SPINK5: variants seen among roughly 807,000 people sequenced by gnomAD.
SPINK5 encodes serine peptidase inhibitor Kazal type 5.
In SPINK5, 125 loss-of-function variants were observed where a neutral mutation model predicts 151.8. That is an observed-to-expected ratio of 0.82 (90% CI 0.71 to 0.96). The LOEUF (loss-of-function observed/expected upper bound fraction) is 0.96, where lower values mean the gene tolerates loss of function less well. Among genes scored for constraint, SPINK5 ranks in the 40% least tolerant of loss-of-function variants. SPINK5 has a pLI of 0.00. For missense variants in SPINK5, 1,194 were observed against 1,291.9 expected (o/e 0.92, Z 1.16); for synonymous variants, 374 against 395.3 (o/e 0.95, Z 0.64).
chr5:148,073,358 T>C (rs1414131461), intron 4 of SPINK5, among the ~76,000 whole-genome samples: 1 of 151,938 alleles, frequency 6.6e-6, no homozygotes, highest in African/African-American at 2.4e-5. Context: ...ATTATTTGCC[T>C]GGGCTCAACC....
rs556862745 is a variant in SPINK5 at position 148,110,555 on chromosome 5, G to A, written c.1693-1213G>A. The stretch of plus-strand genomic sequence containing the variant: ...ATTATTCATTGTATTATAACTTATA[G>A]TTGCCTCTATGTGTTTTCTTCAAAG... On this transcript the variant is annotated intron_variant, in intron 18 of 32. Transcript: ENST00000256084. Among the ~76,000 whole-genome samples the A allele has an allele frequency of 4.6e-5, 7 of 152,170 alleles. No homozygotes were observed. The South Asian group carries it at 1.5e-3, about 32-fold the overall frequency.
chr5:148,112,318 T>G (rs34975049), intron 19 of SPINK5, among the ~76,000 whole-genome samples: 23,260 of 152,168 alleles, frequency 0.15, 2,439 homozygotes, highest in East Asian at 0.32. Context: ...AAAAGAGATA[T>G]AGTCATAAAA....
chr5:148,094,255 C>A, intron 8 of SPINK5, 99 bp from the exon 9 acceptor site: 1 of 1,333,824 alleles, frequency 7.5e-7, no homozygotes, highest in South Asian at 1.2e-5. Flanking sequence ...TGATCATTCC[C>A]CTGCAATCCA....
intron 17 of SPINK5, among the ~76,000 whole-genome samples, chr5:148,107,693 T>C (rs1468975571): frequency 6.6e-6 from 1 of 152,178 alleles, no homozygotes; most frequent in Non-Finnish European, 1.5e-5. Context: ...GTAAAACCTT[T>C]AGGAAACAGG....
At chr5:148,073,396 A>C (rs1466214019) in intron 4 of SPINK5, among the ~76,000 whole-genome samples, 2 of 152,048 alleles carry the variant, frequency 1.3e-5, no homozygotes, top group Non-Finnish European at 2.9e-5. Flanking sequence ...AATAACAGAC[A>C]CCACAAAATT....
At position 148,123,879 on chromosome 5, in the gene SPINK5, T is replaced by C. The variant is rs371375041; in HGVS notation, c.2585T>C (p.Ile862Thr). 1 of 1,614,050 alleles carries C rather than the reference T, an allele frequency of 6.2e-7. No homozygotes were observed. The highest frequency in any genetic ancestry group is 8.5e-7 in the Non-Finnish European group (1 of 1,180,010). Residue 862 changes from isoleucine (I) to threonine (T), a missense_variant, in exon 27 of 33, where the codon ATC (isoleucine) becomes ACC (threonine). Ile to Thr is a moderately conservative substitution (Grantham distance 89, BLOSUM62 -1). Coordinates refer to ENST00000256084, the MANE Select transcript of SPINK5 (RefSeq NM_006846.4). ...FRSMQRNGKLICTRENNPVRG... is the reference protein window; with the variant it reads ...FRSMQRNGKLTCTRENNPVRG... Reference sequence around the variant, plus strand: ...AGCATGCAGAGAAATGGAAAGCTTATCTGCACCAGAGAAAATAACCCTGTT... The same window carrying C: ...AGCATGCAGAGAAATGGAAAGCTTACCTGCACCAGAGAAAATAACCCTGTT...
chr5:148,119,899 AGCAAGGTTACAT>A, intron 24 of SPINK5, 98 bp from the exon 25 acceptor site: 1 of 1,266,742 alleles, frequency 7.9e-7, no homozygotes, highest in East Asian at 2.4e-5. Context: ...TGCCTATCAC[AGCAAGGTTACAT>A]GGCTGCCTGA....
At position 148,111,849 on chromosome 5, in the gene SPINK5, G is replaced by A; in HGVS notation, c.1774G>A (p.Asp592Asn). ...AGAGAATGATCCTATTGAGGGTCTAGATGGGAAAATCCACGGCAACACCTG... is the reference window on the plus strand; with the variant it reads ...AGAGAATGATCCTATTGAGGGTCTAAATGGGAAAATCCACGGCAACACCTG... ...TRENDPIEGL[D>N]GKIHGNTCSM... The change falls in exon 19 of 33, where the codon GAT (aspartate) becomes AAT (asparagine). Residue 592 changes from aspartate (D) to asparagine (N), a missense_variant. Coordinates refer to ENST00000256084, the MANE Select transcript of SPINK5 (RefSeq NM_006846.4). 2 of 1,614,074 alleles carry A rather than the reference G, an allele frequency of 1.2e-6. No individual in the cohort carries two copies. Among genetic ancestry groups the A allele is most frequent in the East Asian group, 4.5e-5 (2 of 44,870 alleles).
rs1442930908 is a variant in SPINK5, at chr5:148,108,771, G to C, written c.1626G>C (p.Glu542Asp). 2 of 1,611,586 alleles carry C rather than the reference G, an allele frequency of 1.2e-6. No homozygotes were observed. Among genetic ancestry groups the C allele is most frequent in the South Asian group, 1.1e-5 (1 of 90,996 alleles). The change falls in exon 18 of 33, where the codon GAG becomes GAC. Residue 542 changes from glutamate (E) to aspartate (D), a missense_variant. Coordinates refer to ENST00000256084, the MANE Select transcript of SPINK5 (RefSeq NM_006846.4). Reference protein sequence around the residue: ...CASVFKLEEEEKKNDKEEKGK... With the variant: ...CASVFKLEEEDKKNDKEEKGK... Reference sequence around the variant, plus strand: ...ATTACAGCAAACTTGAAGAAGAAGAGAAGAAAAATGATAAAGAAGAAAAAG... The same window carrying C: ...ATTACAGCAAACTTGAAGAAGAAGACAAGAAAAATGATAAAGAAGAAAAAG...
At chr5:148,124,689 A>C in intron 27 of SPINK5, 76 bp from the exon 28 acceptor site, 2 of 1,178,428 alleles carry the variant, frequency 1.7e-6, no homozygotes, top group Non-Finnish European at 2.3e-6. Context: ...TTAGAATCGC[A>C]GAAATACTTG....
Position 148,133,699 on chromosome 5 carries a change from G to A in SPINK5, c.3096-98G>A, listed in dbSNP as rs759881015. ...CAGATCCTCCCTCTAAATACAGTTT[G>A]GTTTGATACCCAAGTGTCCTGCATG... On this transcript the variant is annotated intron_variant, in intron 31 of 32. Coordinates refer to ENST00000256084, the MANE Select transcript of SPINK5 (RefSeq NM_006846.4). The A allele has an allele frequency of 3.1e-5, 34 of 1,100,286 alleles. 1 individual carries two copies. The highest frequency in any genetic ancestry group is 4.4e-5 in the Non-Finnish European group (32 of 724,012). The allele number at this position is 1,100,286 out of a possible 1,614,324, so 68.2% of individuals were successfully genotyped here.
chr5:148,118,166 C>T (rs1361072726), intron 22 of SPINK5, among the ~76,000 whole-genome samples: 3 of 152,046 alleles, frequency 2.0e-5, no homozygotes, highest in Non-Finnish European at 4.4e-5. Context: ...TTACAGGCAC[C>T]CGCCACCATG....
intron 2 of SPINK5, among the ~76,000 whole-genome samples, chr5:148,068,554 CAAAAAAAAAAAAA>C (rs1166912306): frequency 6.7e-5 from 6 of 89,232 alleles, no homozygotes; most frequent in Non-Finnish European, 1.1e-4. Flanking sequence ...CCTGCCTCTC[CAAAAAAAAAAAAA>C]AAAAAAAAAA....
chr5:148,064,963 A>G (rs1196812831), intron 1 of SPINK5, among the ~76,000 whole-genome samples: 1 of 152,146 alleles, frequency 6.6e-6, no homozygotes, highest in Non-Finnish European at 1.5e-5. Flanking sequence ...TTTCAACTAT[A>G]ATATAGTTTC....
chr5:148,104,546 A>T (rs938552644), intron 15 of SPINK5, among the ~76,000 whole-genome samples: 1 of 152,210 alleles, frequency 6.6e-6, no homozygotes, highest in Non-Finnish European at 1.5e-5. Flanking sequence ...GTTTGAGAAT[A>T]GTCAAAACAA....
At chr5:148,094,035 C>T (rs1481369362) in intron 8 of SPINK5, among the ~76,000 whole-genome samples, 1 of 151,842 alleles carries the variant, frequency 6.6e-6, no homozygotes, top group Non-Finnish European at 1.5e-5. Context: ...TGGTTCATGC[C>T]TATAATTTCA....
At chr5:148,066,773 T>C (rs1752598234) in intron 2 of SPINK5, among the ~76,000 whole-genome samples, 1 of 152,172 alleles carries the variant, frequency 6.6e-6, no homozygotes, top group African/African-American at 2.4e-5. Context: ...TGGTTGGTGA[T>C]TTATGGCAGA....
At chr5:148,076,714 A>G (rs78594115) in intron 4 of SPINK5, among the ~76,000 whole-genome samples, 2,192 of 151,812 alleles carry the variant, frequency 0.014, 40 homozygotes, top group African/African-American at 0.05. Flanking sequence ...GGTTCACAAG[A>G]AAGTATAATA....
chr5:148,118,020 T>G (rs183645875), intron 22 of SPINK5, among the ~76,000 whole-genome samples: 9 of 152,176 alleles, frequency 5.9e-5, no homozygotes, highest in Admixed American at 4.6e-4. Context: ...GGGGTTTTTT[T>G]GTTTGTTTGT....
Sources: gnomAD v4.1 joint callset for allele counts (sites outside exome capture counted in the v4.1 genomes callset) on GRCh38, gnomAD v4.1.1 for gene constraint, MANE v1.5 for transcripts, NCBI Gene and HGNC (gene_info 2026-07-23, HGNC 2026-07-21) for gene names.